Variants in PARP9 observed in about 807,000 individuals in gnomAD.
The protein encoded by PARP9 is poly(ADP-ribose) polymerase family member 9.
Under a neutral mutation model 68.8 loss-of-function variants are expected in PARP9, and 48 were observed. The observed-to-expected ratio is 0.70, with a 90% confidence interval of 0.55 to 0.89. The LOEUF is 0.89. Among genes scored for constraint, PARP9 ranks in the 40% least tolerant of loss-of-function variants. The probability of loss-of-function intolerance (pLI) is 0.00; values close to 1 mark genes in which losing one functional copy is unlikely to be tolerated. For missense variants in PARP9, 806 were observed against 969.3 expected (o/e 0.83, Z 2.24); for synonymous variants, 309 against 333.8 (o/e 0.93, Z 0.81).
chr3:122,542,532 T>C (rs9861517), intron 7 of PARP9, among the ~76,000 whole-genome samples: 18,121 of 150,968 alleles, frequency 0.12, 1,299 homozygotes, highest in East Asian at 0.33. Context: ...CAGGCTGGAG[T>C]GTAGTGGCGC....
intron 6 of PARP9, among the ~76,000 whole-genome samples, chr3:122,546,215 C>T (rs1383693393): frequency 1.3e-5 from 2 of 152,192 alleles, no homozygotes; most frequent in Non-Finnish European, 2.9e-5. Flanking sequence ...ATTGATGGTG[C>T]AGAAGTGATA....
At position 122,527,960 on chromosome 3, in the gene PARP9, G is replaced by A. The variant is rs186932868; in HGVS notation, c.*404C>T. ...AAGATGATTTATTTTCATACCTAAA[G>A]CACTTTATAATATTCTCTGGAAAAT... On this transcript the variant is annotated 3_prime_UTR_variant, in exon 11 of 11. Transcript: ENST00000682323. The A allele has an allele frequency of 1.3e-5, 2 of 153,560 alleles. No homozygotes were observed. Among genetic ancestry groups the A allele is most frequent in the East Asian group, 1.9e-4 (1 of 5,206 alleles). 9.5% of individuals were successfully genotyped at this position (153,560 alleles called of 1,614,324 possible).
At position 122,546,956 on chromosome 3, in the gene PARP9, C is replaced by T. The variant is rs189257219; in HGVS notation, c.1327-1467G>A. The stretch of plus-strand genomic sequence containing the variant: ...TTCTCAGCACAGTGCCTGACAGACA[C>T]AATACATGGCACTATATATATATAT... On this transcript the variant is annotated intron_variant, in intron 6 of 10. Transcript: ENST00000682323. 4.9e-3 allele frequency among the ~76,000 whole-genome samples: 599 copies of T among 122,604 alleles called. 5 individuals are homozygous for T. The highest frequency in any genetic ancestry group is 8.1e-3 in the Non-Finnish European group (481 of 59,166). The allele number at this position is 122,604 out of a possible 152,430, so 80.4% of individuals were successfully genotyped here.
chr3:122,562,018 C>A (rs528598029), intron 1 of PARP9, among the ~76,000 whole-genome samples: 1 of 151,950 alleles, frequency 6.6e-6, no homozygotes, highest in South Asian at 2.1e-4. Context: ...AATCTAGGAA[C>A]TTTCCCTGAG....
In PARP9 at chr3:122,550,637, G is replaced by T; in HGVS notation, c.1273C>A (p.His425Asn). 6.2e-7 allele frequency: 1 copy of T among 1,613,858 alleles called. No homozygotes were observed. Among genetic ancestry groups the T allele is most frequent in the South Asian group, 1.1e-5 (1 of 91,068 alleles). ...VLTFAKDHVK[H>N]QLTVKFVIFP... ...ATCACAAATTTTACAGTTAACTGGT[G>T]TTTTACATGGTCTTTGGCAAATGTT... Residue 425 changes from histidine to asparagine, a missense_variant, in exon 6 of 11, where the codon CAC becomes AAC. By Grantham distance (68) the His-to-Asn change is moderately conservative. Coordinates refer to ENST00000682323, the MANE Select transcript of PARP9 (RefSeq NM_001146105.2).
At chr3:122,563,786 G>C (rs2080442674) in intron 1 of PARP9, among the ~76,000 whole-genome samples, 1 of 152,072 alleles carries the variant, frequency 6.6e-6, no homozygotes, top group Non-Finnish European at 1.5e-5. Flanking sequence ...CCTTGGAGAA[G>C]TTTTGCTCCT....
chr3:122,554,327 A>G (rs999006769), intron 4 of PARP9, among the ~76,000 whole-genome samples: 1 of 152,198 alleles, frequency 6.6e-6, no homozygotes, highest in Admixed American at 6.5e-5. Context: ...TCACAAATTT[A>G]CATACTCTTA....
intron 1 of PARP9, among the ~76,000 whole-genome samples, chr3:122,563,187 T>C (rs1396898288): frequency 6.6e-6 from 1 of 152,170 alleles, no homozygotes; most frequent in East Asian, 1.9e-4. Flanking sequence ...TTGCTTTCCC[T>C]GCTTAAAGCC....
intron 2 of PARP9, 54 bp from the exon 3 acceptor site, chr3:122,558,521 T>C (rs1292712383): frequency 1.3e-6 from 2 of 1,599,308 alleles, no homozygotes; most frequent in African/African-American, 1.3e-5. Flanking sequence ...TGACTACAGC[T>C]TACTGATAAC....
Position 122,555,369 on chromosome 3 carries a change from G to C in PARP9, c.802C>G (p.Gln268Glu). Residue 268 changes from glutamine to glutamate, a missense_variant, in exon 4 of 11, where the codon CAA (glutamine) becomes GAA (glutamate). By Grantham distance (29) the Gln-to-Glu change is conservative. Transcript: ENST00000682323. ...EFILGKSELG[Q>E]ETTPSFNAMV... ...GCATTGAAAGAAGGGGTGGTTTCTT[G>C]TCCCAGCTCACTCTTCCCTAGGATG... 6.2e-7 allele frequency: 1 copy of C among 1,614,126 alleles called. No homozygotes were observed. The highest frequency in any genetic ancestry group is 1.1e-5 in the South Asian group (1 of 91,078).
At chr3:122,559,811 T>G (rs370713684) in intron 1 of PARP9, 102 bp from the exon 2 acceptor site, 23 of 456,944 alleles carry the variant, frequency 5.0e-5, no homozygotes, top group African/African-American at 4.4e-4. Flanking sequence ...CTGATCTTGA[T>G]GAGTTCTTAA....
chr3:122,557,603 T>C (rs1449914581), intron 3 of PARP9, among the ~76,000 whole-genome samples: 1 of 152,216 alleles, frequency 6.6e-6, no homozygotes, highest in Non-Finnish European at 1.5e-5. Flanking sequence ...AGGCCATTCA[T>C]GCCCAACGTG....
chr3:122,529,508 T>C (rs1194866012), intron 10 of PARP9, among the ~76,000 whole-genome samples: 3 of 151,700 alleles, frequency 2.0e-5, no homozygotes, highest in Non-Finnish European at 2.9e-5. Context: ...CCCAGCACTT[T>C]GGTAGGCCGA....
At chr3:122,540,977 G>A (rs1366820281) in intron 7 of PARP9, 125 bp from the exon 8 acceptor site, 5 of 1,108,666 alleles carry the variant, frequency 4.5e-6, no homozygotes, top group East Asian at 5.1e-5. Flanking sequence ...TGCAAGCTCC[G>A]CCTCCCGGGT....
chr3:122,553,526 A>G (rs1559862654), intron 4 of PARP9, among the ~76,000 whole-genome samples: 1 of 152,204 alleles, frequency 6.6e-6, no homozygotes, highest in Admixed American at 6.5e-5. Flanking sequence ...CAATAAATAT[A>G]CCTTAAAAAA....
chr3:122,558,036 C>T (rs528350076), intron 3 of PARP9, among the ~76,000 whole-genome samples: 1 of 152,288 alleles, frequency 6.6e-6, no homozygotes, highest in Non-Finnish European at 1.5e-5. Context: ...CAAACGAAGC[C>T]GGAATTGGGT....
chr3:122,540,069 A>C (rs1329058881), intron 8 of PARP9, among the ~76,000 whole-genome samples: 1 of 152,254 alleles, frequency 6.6e-6, no homozygotes, highest in Non-Finnish European at 1.5e-5. Flanking sequence ...TAATGCTGTC[A>C]GTGACAAATA....
intron 3 of PARP9, 110 bp from the exon 4 acceptor site, chr3:122,556,231 C>A (rs2079652093): frequency 2.8e-6 from 2 of 723,062 alleles, no homozygotes; most frequent in East Asian, 2.8e-5. Context: ...TTCCTATGTG[C>A]AAAAGAGAGA....
Position 122,564,252 on chromosome 3 carries a change from G to A in PARP9, c.-97C>T. The A allele has an allele frequency of 1.3e-6, 1 of 751,106 alleles. No homozygotes were observed. The highest frequency in any genetic ancestry group is 2.0e-6 in the Non-Finnish European group (1 of 499,992). 46.5% of individuals were successfully genotyped at this position (751,106 alleles called of 1,614,324 possible). On this transcript the variant is annotated 5_prime_UTR_variant, in exon 1 of 11. Transcript: ENST00000682323. ...GGCACCGGACCTACTCACCCGGCAG[G>A]CCGCTCTCCTCGGTGCAGACAGCAC...
Sources: allele counts gnomAD v4.1 joint callset (sites outside exome capture counted in the v4.1 genomes callset), GRCh38; gene constraint gnomAD v4.1.1; transcripts MANE v1.5; gene names NCBI Gene and HGNC (gene_info 2026-07-23, HGNC 2026-07-21).